Variants in CTNNA2 observed in about 807,000 individuals in gnomAD.
The protein encoded by CTNNA2 is catenin alpha 2.
In CTNNA2, 42 loss-of-function variants were observed where a neutral mutation model predicts 101.0. The observed-to-expected ratio is 0.42, with a 90% CI of 0.32 to 0.54. The LOEUF (loss-of-function observed/expected upper bound fraction) is 0.54, where lower values mean the gene tolerates loss of function less well. CTNNA2 is among the 20% of genes least tolerant of loss of function. The probability of loss-of-function intolerance (pLI) is 0.14; values close to 1 mark genes in which losing one functional copy is unlikely to be tolerated. For missense variants in CTNNA2, 871 were observed against 1,223.1 expected (o/e 0.71, Z 4.29); for synonymous variants, 450 against 456.4 (o/e 0.99, Z 0.18).
chr2:80,528,711 ATAAATT>A (rs1304783793), intron 9 of CTNNA2, among the ~76,000 whole-genome samples: 3 of 152,140 alleles, frequency 2.0e-5, no homozygotes, highest in African/African-American at 4.8e-5. Context: ...AAAAATAAAA[ATAAATT>A]ACTCATTCCA....
At chr2:80,574,693 A>AACACATAATAGTAACAGTT (rs1440738035) in intron 13 of CTNNA2, among the ~76,000 whole-genome samples, 5 of 152,208 alleles carry the variant, frequency 3.3e-5, no homozygotes, top group Admixed American at 6.5e-5. Flanking sequence ...TGTTTATAAT[A>AACACATAATAGTAACAGTT]ACACATAATA....
At chr2:79,612,452 C>A (rs1678341785) in intron 1 of CTNNA2, among the ~76,000 whole-genome samples, 1 of 152,070 alleles carries the variant, frequency 6.6e-6, no homozygotes. Flanking sequence ...CATATGAGCA[C>A]CTGCTTTATA....
chr2:79,633,190 A>T (rs1043168791), intron 1 of CTNNA2, among the ~76,000 whole-genome samples: 6 of 152,196 alleles, frequency 3.9e-5, no homozygotes, highest in African/African-American at 1.4e-4. Context: ...GATTAATTTA[A>T]TGTATGATTA....
At chr2:79,421,785 C>G (rs1015569) in intron 4 of CTNNA2, among the ~76,000 whole-genome samples, 2,887 of 152,166 alleles carry the variant, frequency 0.019, 47 homozygotes, top group Middle Eastern at 0.054. Flanking sequence ...ATTAGTCAGG[C>G]TGTAGGATGT....
At chr2:80,469,315 T>A (rs1005120018) in intron 9 of CTNNA2, among the ~76,000 whole-genome samples, 1 of 152,192 alleles carries the variant, frequency 6.6e-6, no homozygotes, top group Admixed American at 6.5e-5. Flanking sequence ...AATTGATAAT[T>A]GTTTGATAAA....
At position 79,949,695 on chromosome 2, in the gene CTNNA2, T is replaced by C. The variant is rs184101112; in HGVS notation, c.1056+39898T>C. On this transcript the variant is annotated intron_variant, in intron 7 of 18. Transcript: ENST00000402739. ...TGGGAAGCTGAAATAGAAGGATCAC[T>C]TGGGCCCAGTAGTTCGAGGCTGTAG... 3.4e-4 allele frequency among the ~76,000 whole-genome samples: 51 copies of C among 152,222 alleles called. 1 individual carries two copies. The East Asian group carries it at 9.7e-3, about 29-fold the overall frequency.
At chr2:80,138,371 C>A (rs1452665725) in intron 7 of CTNNA2, among the ~76,000 whole-genome samples, 1 of 152,206 alleles carries the variant, frequency 6.6e-6, no homozygotes, top group Non-Finnish European at 1.5e-5. Context: ...CATAGCCTAT[C>A]TATGCCTTGG....
chr2:79,780,932 A>G (rs920931927), intron 3 of CTNNA2, among the ~76,000 whole-genome samples: 2 of 152,238 alleles, frequency 1.3e-5, no homozygotes, highest in Non-Finnish European at 2.9e-5. Context: ...AAAGAAAAGT[A>G]ATAAAGATGT....
chr2:80,374,402 T>C (rs1156886683), intron 7 of CTNNA2, among the ~76,000 whole-genome samples: 1 of 152,240 alleles, frequency 6.6e-6, no homozygotes, highest in Non-Finnish European at 1.5e-5. Context: ...GTTCTTGTTA[T>C]GGCTGTGCAG....
At chr2:79,712,446 G>T (rs1558863325) in intron 2 of CTNNA2, among the ~76,000 whole-genome samples, 1 of 152,198 alleles carries the variant, frequency 6.6e-6, no homozygotes, top group Non-Finnish European at 1.5e-5. Context: ...GACTATCAGA[G>T]TAATGTATGT....
chr2:79,465,488 A>C (rs1014665918), intron 4 of CTNNA2, among the ~76,000 whole-genome samples: 3 of 152,112 alleles, frequency 2.0e-5, no homozygotes, highest in Admixed American at 2.0e-4. Context: ...TCCATATGAA[A>C]TTTAAAGTAT....
At chr2:80,403,959 T>G in intron 8 of CTNNA2, among the ~76,000 whole-genome samples, 1 of 152,234 alleles carries the variant, frequency 6.6e-6, no homozygotes, top group East Asian at 1.9e-4. Flanking sequence ...CAGATGAGGC[T>G]GACTTGGTGG....
At chr2:80,502,353 T>C (rs943673991) in intron 9 of CTNNA2, among the ~76,000 whole-genome samples, 1 of 152,200 alleles carries the variant, frequency 6.6e-6, no homozygotes, top group Non-Finnish European at 1.5e-5. Context: ...TATGGTATGC[T>C]TATTTGTGGA....
At chr2:80,521,462 G>A (rs954724429) in intron 9 of CTNNA2, among the ~76,000 whole-genome samples, 2 of 152,178 alleles carry the variant, frequency 1.3e-5, no homozygotes, top group African/African-American at 4.8e-5. Flanking sequence ...GGGAATTAAG[G>A]TTGCAAATGG....
At chr2:79,893,357 T>A (rs1684440375) in intron 6 of CTNNA2, among the ~76,000 whole-genome samples, 1 of 152,202 alleles carries the variant, frequency 6.6e-6, no homozygotes, top group African/African-American at 2.4e-5. Flanking sequence ...CTTATTTTTT[T>A]ATGGGATTGG....
intron 9 of CTNNA2, among the ~76,000 whole-genome samples, chr2:80,484,803 G>A (rs1357128685): frequency 1.3e-5 from 2 of 152,072 alleles, no homozygotes; most frequent in South Asian, 2.1e-4. Context: ...TCCGGAGATC[G>A]AGACCATCCT....
chr2:79,994,039 C>T (rs1692365196), intron 7 of CTNNA2, among the ~76,000 whole-genome samples: 1 of 152,060 alleles, frequency 6.6e-6, no homozygotes, highest in Non-Finnish European at 1.5e-5. Context: ...TCTGGAGTAG[C>T]TGAGACCAGA....
chr2:79,874,316 C>T lies in CTNNA2; in HGVS notation c.826C>T (p.Leu276=), dbSNP rs747891055. The T allele has an allele frequency of 2.2e-5, 36 of 1,613,826 alleles. No homozygotes were observed. Among genetic ancestry groups the T allele is most frequent in the Non-Finnish European group, 3.1e-5 (36 of 1,180,030 alleles). Residue 276 remains leucine (L), a synonymous_variant, in exon 6 of 19, where the codon CTG becomes TTG. Coordinates refer to ENST00000402739, the MANE Select transcript of CTNNA2 (RefSeq NM_001282597.3). The part of the protein sequence containing the change: ...EAKGHTGIGE[L]AAALNEFDNK... ...CAAGGGCCACACGGGCATCGGCGAG[C>T]TGGCTGCGGCTCTTAATGAGTTTGA...
intron 7 of CTNNA2, among the ~76,000 whole-genome samples, chr2:79,916,082 T>C (rs1006721271): frequency 1.3e-5 from 2 of 152,244 alleles, no homozygotes; most frequent in Non-Finnish European, 1.5e-5. Context: ...ATCTTCTCTT[T>C]TCTCTCCTTC....
Sources: allele counts gnomAD v4.1 joint callset (sites outside exome capture counted in the v4.1 genomes callset), GRCh38; gene constraint gnomAD v4.1.1; transcripts MANE v1.5; gene names NCBI Gene and HGNC (gene_info 2026-07-23, HGNC 2026-07-21).